IP6K2: variants seen among roughly 807,000 people sequenced by gnomAD.
The protein encoded by IP6K2 is inositol hexakisphosphate kinase 2.
A neutral mutation model predicts 43.3 loss-of-function variants in IP6K2; 9 were observed. The observed-to-expected ratio is 0.21, with a 90% CI of 0.13 to 0.36. The LOEUF is 0.36. Ranked by LOEUF, IP6K2 falls within the 10% of genes least tolerant of loss-of-function variation. The pLI is 1.00. For missense variants in IP6K2, 332 were observed against 538.4 expected (o/e 0.62, Z 3.79); for synonymous variants, 209 against 202.4 (o/e 1.03, Z -0.28).
intron 5 of IP6K2, among the ~76,000 whole-genome samples, chr3:48,689,163 C>T (rs937482413): frequency 2.0e-5 from 3 of 152,144 alleles, no homozygotes; most frequent in Non-Finnish European, 2.9e-5. Flanking sequence ...AAATCTGGAA[C>T]CTTTTTATTT....
intron 1 of IP6K2, among the ~76,000 whole-genome samples, chr3:48,710,690 A>C (rs1451902351): frequency 6.6e-6 from 1 of 151,832 alleles, no homozygotes; most frequent in Non-Finnish European, 1.5e-5. Flanking sequence ...GCTCACTGCA[A>C]GCTCTGCCTC....
intron 1 of IP6K2, chr3:48,711,342 G>A (rs1402432840): frequency 6.6e-6 from 1 of 152,220 alleles, no homozygotes; most frequent in Non-Finnish European, 1.5e-5. Flanking sequence ...GGCCTTCCCA[G>A]TGTAAATGCA....
chr3:48,689,488 G>C (rs751381407), intron 5 of IP6K2, 50 bp downstream of exon 5: 3 of 1,559,710 alleles, frequency 1.9e-6, no homozygotes, highest in South Asian at 2.3e-5. Context: ...TACCAGGGTG[G>C]GGAAGTGACA....
rs746242061 is a variant in IP6K2, at chr3:48,695,078, G to A, written c.202+12C>T. On this transcript the variant is annotated intron_variant, in intron 2 of 5. Transcript: ENST00000328631. The surrounding 1 kb of genome is among the most constrained non-coding windows in gnomAD (Gnocchi z 4.6). ...CGCCAGTGTGGCAACCCCTCCAGCA[G>A]CTGGGACTTACCTTTGTACTGGGGA... 1 of 1,614,090 alleles carries A rather than the reference G, an allele frequency of 6.2e-7. No homozygotes were observed. The highest frequency in any genetic ancestry group is 1.1e-5 in the South Asian group (1 of 91,082).
intron 1 of IP6K2, among the ~76,000 whole-genome samples, chr3:48,697,111 C>A (rs2078444395): frequency 6.6e-6 from 1 of 151,608 alleles, no homozygotes; most frequent in African/African-American, 2.4e-5. Context: ...AGCTCCGCCT[C>A]CCAGGTTCAC....
chr3:48,691,476 C>T lies in IP6K2; in HGVS notation c.435G>A (p.Lys145=), dbSNP rs760550465. The T allele has an allele frequency of 1.9e-6, 3 of 1,608,132 alleles. No individual in the cohort carries two copies. Residue 145 remains lysine (K), a synonymous_variant, in exon 4 of 6, where the codon AAG becomes AAA. Transcript: ENST00000328631. ...HRKEEKMKSH[K]LEEEFEWLKK... ...TTAGCCACTCAAATTCTTCTTCTAACTTATGGCTATAAAGAGATAAGGACC... is the reference window on the plus strand; with the variant it reads ...TTAGCCACTCAAATTCTTCTTCTAATTTATGGCTATAAAGAGATAAGGACC...
chr3:48,693,269 C>T (rs780657400), intron 2 of IP6K2, 90 bp from the exon 3 acceptor site: 3 of 1,268,514 alleles, frequency 2.4e-6, no homozygotes, highest in African/African-American at 1.5e-5. Context: ...TTTTTTCTTA[C>T]CCAGTTCCTT....
chr3:48,688,654 G>A lies in IP6K2; in HGVS notation c.900C>T (p.Arg300=). Residue 300 remains arginine (R), a synonymous_variant, in exon 6 of 6, where the codon CGC becomes CGT. Transcript: ENST00000328631. This position sits in a 1 kb window ranked among gnomAD's most constrained non-coding sequence, Gnocchi z 5.1. ...FQFFHNGRYL[R]RELLGPVLKK... ...TGAGCACAGGGCCCAGGAGTTCACGGCGCAGGTACCGCCCATTGTGGAAGA... is the reference window on the plus strand; with the variant it reads ...TGAGCACAGGGCCCAGGAGTTCACGACGCAGGTACCGCCCATTGTGGAAGA... The A allele has an allele frequency of 6.2e-7, 1 of 1,614,256 alleles. No homozygotes were observed. The highest frequency in any genetic ancestry group is 8.5e-7 in the Non-Finnish European group (1 of 1,180,040).
At chr3:48,715,299 A>G (rs556709312) in intron 1 of IP6K2, 16 of 1,536,096 alleles carry the variant, frequency 1.0e-5, no homozygotes, top group Non-Finnish European at 1.3e-5. Context: ...TGAGCCAAAC[A>G]ATGGAAAATT....
At chr3:48,693,984 G>GA in intron 2 of IP6K2, 24 of 1,373,202 alleles carry the variant, frequency 1.7e-5, no homozygotes, top group South Asian at 1.1e-4. Context: ...GCCGACGAGC[G>GA]CCTTACAAAC....
At chr3:48,705,909 TA>T (rs11464060) in intron 1 of IP6K2, among the ~76,000 whole-genome samples, 1 of 146,244 alleles carries the variant, frequency 6.8e-6, no homozygotes, top group African/African-American at 2.5e-5. Context: ...TAAAATAAAA[TA>T]AAAAAAAACA....
intron 1 of IP6K2, among the ~76,000 whole-genome samples, chr3:48,706,670 T>C (rs911214194): frequency 6.6e-6 from 1 of 151,904 alleles, no homozygotes; most frequent in African/African-American, 2.4e-5. Flanking sequence ...CAAAACCCCA[T>C]CTCCACTAAA....
intron 1 of IP6K2, among the ~76,000 whole-genome samples, chr3:48,715,115 G>A (rs1452531728): frequency 6.6e-6 from 1 of 151,974 alleles, no homozygotes; most frequent in Non-Finnish European, 1.5e-5. Context: ...ACACAAATAG[G>A]CAAAAACATA....
At chr3:48,716,601 G>T (rs1246119894) in intron 1 of IP6K2, 3 of 152,132 alleles carry the variant, frequency 2.0e-5, no homozygotes, top group African/African-American at 7.2e-5. Context: ...CTATAATAAG[G>T]TTAAGTGTGT....
At chr3:48,700,138 T>C (rs2078866732) in intron 1 of IP6K2, among the ~76,000 whole-genome samples, 1 of 152,266 alleles carries the variant, frequency 6.6e-6, no homozygotes, top group South Asian at 2.1e-4. Context: ...ATGGTTTTAC[T>C]GTAAAACATA....
In IP6K2 at chr3:48,695,399, CTTG is replaced by C. The variant is rs1410707152; in HGVS notation, c.-111_-109del. The C allele has an allele frequency of 6.9e-6, 10 of 1,452,842 alleles. No homozygotes were observed. The highest frequency in any genetic ancestry group is 2.6e-5 in the Admixed American group (1 of 38,522). 90.0% of individuals were successfully genotyped at this position (1,452,842 alleles called of 1,614,324 possible). A position where few individuals can be genotyped will look rare whatever the true frequency, so the allele number is the denominator to read the frequency against. Reference sequence around the variant, plus strand: ...TGTCCCTCTCGTCTTGGCTCCTTGGCTTGTTCTGGCCAGGATGCTCTGCTGGAA... The same window carrying C: ...TGTCCCTCTCGTCTTGGCTCCTTGGCTTCTGGCCAGGATGCTCTGCTGGAA... On this transcript the variant is annotated 5_prime_UTR_variant, in exon 2 of 6. Transcript: ENST00000328631. This position sits in a 1 kb window ranked among gnomAD's most constrained non-coding sequence, Gnocchi z 4.6.
Position 48,690,843 on chromosome 3 carries a change from A to G in IP6K2, c.604+464T>C, listed in dbSNP as rs1460160788. Among the ~76,000 whole-genome samples the G allele has an allele frequency of 2.6e-5, 4 of 152,038 alleles. No individual in the cohort carries two copies. The East Asian group carries it at 7.7e-4, about 29-fold the overall frequency. On this transcript the variant is annotated intron_variant, in intron 4 of 5. Coordinates refer to ENST00000328631, the MANE Select transcript of IP6K2 (RefSeq NM_016291.4). ...AGAGAGGAAAAAAAGAAAAGAGAAA[A>G]GAAAACAAATATTTCCTTATGCACA... is the stretch of plus-strand genomic sequence containing the variant.
rs1256766920 is a variant in IP6K2, at chr3:48,691,350, C to T, written c.561G>A (p.Gln187=). ...TTGCATTCTCCTTCATTCTCTGTAA[C>T]TGTTGCTGGTGACATTTCATGCTCC... ...NPWSMKCHQQ[Q]LQRMKENAKH... is the part of the protein sequence containing the mutation. The change falls in exon 4 of 6, where the codon CAG becomes CAA. Residue 187 remains glutamine, a synonymous_variant. Transcript: ENST00000328631. 1.9e-6 allele frequency: 3 copies of T among 1,614,034 alleles called. No homozygotes were observed. The highest frequency in any genetic ancestry group is 1.7e-6 in the Non-Finnish European group (2 of 1,179,942).
intron 1 of IP6K2, among the ~76,000 whole-genome samples, chr3:48,712,975 T>C (rs893338773): frequency 6.6e-6 from 1 of 152,056 alleles, no homozygotes; most frequent in African/African-American, 2.4e-5. Context: ...ATCGCGCCAC[T>C]GCACTCCAAC....
Sources: allele counts gnomAD v4.1 joint callset (sites outside exome capture counted in the v4.1 genomes callset), GRCh38; gene constraint gnomAD v4.1.1; non-coding constraint Gnocchi (gnomAD v3.1); transcripts MANE v1.5; gene names NCBI Gene and HGNC (gene_info 2026-07-23, HGNC 2026-07-21).